The following CD5L variants were observed in gnomAD, a reference collection of about 807,000 sequenced individuals.
CD5L encodes the protein CD5 molecule like, also known as CD5 antigen-like.
Under a neutral mutation model 40.8 loss-of-function variants are expected in CD5L, and 39 were observed. That is an observed-to-expected ratio of 0.96 (90% CI 0.74 to 1.25). CD5L has a LOEUF of 1.25. Among genes scored for constraint, CD5L ranks in the 50% most tolerant of loss-of-function variants. The pLI is 0.00. For synonymous variants in CD5L, 192 were observed against 169.6 expected, an observed-to-expected ratio of 1.13 and a Z score of -1.03; for missense variants, 433 against 435.9, an observed-to-expected ratio of 0.99 and a Z score of 0.06.
At chr1:157,828,139 G>A (rs761433857), downstream of CD5L, among the ~76,000 whole-genome samples, 24 of 152,108 alleles carry the variant, frequency 1.6e-4, no homozygotes, top group Non-Finnish European at 2.9e-4. Context: ...GTGGTTCTGG[G>A]TTCTATGTGG....
chr1:157,840,782 G>A (rs1443859976), intron 1 of CD5L, among the ~76,000 whole-genome samples: 1 of 152,198 alleles, frequency 6.6e-6, no homozygotes. Flanking sequence ...CATGAAGCAG[G>A]TGGAAGTGCA....
Position 157,836,117 on chromosome 1 carries a change from G to T in CD5L, c.94C>A (p.Arg32Ser). ...TCCACCTCCACCCGCCCTTCACAGC[G>T]GTGGAGGCCCCCCACCAGCCGCACT... Reference protein sequence around the residue: ...SGVRLVGGLHRCEGRVEVEQK... With the variant: ...SGVRLVGGLHSCEGRVEVEQK... Residue 32 changes from arginine to serine, a missense_variant, in exon 3 of 6, where the codon CGC (arginine) becomes AGC (serine). Coordinates refer to ENST00000368174, the MANE Select transcript of CD5L (RefSeq NM_005894.3). The T allele has an allele frequency of 1.2e-6, 2 of 1,613,572 alleles. No homozygotes were observed. Among genetic ancestry groups the T allele is most frequent in the South Asian group, 2.2e-5 (2 of 91,052 alleles).
Position 157,833,828 on chromosome 1 carries a change from C to T in CD5L, c.719-316G>A, listed in dbSNP as rs562648732. 1.8e-4 allele frequency among the ~76,000 whole-genome samples: 26 copies of T among 143,184 alleles called. 1 individual carries two copies. In the South Asian group the frequency reaches 5.5e-3, roughly 30 times the overall value. 93.9% of individuals were successfully genotyped at this position (143,184 alleles called of 152,430 possible). A position where few individuals can be genotyped will look rare whatever the true frequency, so the allele number is the denominator to read the frequency against. On this transcript the variant is annotated intron_variant, in intron 4 of 5. Coordinates refer to ENST00000368174, the MANE Select transcript of CD5L (RefSeq NM_005894.3). ...TTTTCCATATGTTGCTCAGGCTAGT[C>T]TCAAACTCTTGGGCTCAAGTGCTCC... is the stretch of plus-strand genomic sequence containing the variant.
At chr1:157,832,568 C>A (rs1185678987) in intron 5 of CD5L, among the ~76,000 whole-genome samples, 2 of 152,172 alleles carry the variant, frequency 1.3e-5, no homozygotes, top group Non-Finnish European at 2.9e-5. Flanking sequence ...TTCCTTCAAT[C>A]CTCTGAAGAG....
chr1:157,841,590 T>C, intron 1 of CD5L, 84 bp downstream of exon 1: 1 of 1,185,694 alleles, frequency 8.4e-7, no homozygotes, highest in Non-Finnish European at 1.2e-6. Flanking sequence ...TCTAAATCTG[T>C]TCCAGGTTGG....
At chr1:157,836,867 G>A (rs187478257) in intron 2 of CD5L, among the ~76,000 whole-genome samples, 257 of 152,238 alleles carry the variant, frequency 1.7e-3, no homozygotes, top group African/African-American at 5.9e-3. Context: ...TAATTCCAGG[G>A]ACTAGAAGCA....
chr1:157,827,118 T>C (rs1290029809), downstream of CD5L, among the ~76,000 whole-genome samples: 2 of 152,158 alleles, frequency 1.3e-5, no homozygotes, highest in Non-Finnish European at 2.9e-5. Context: ...TTACCAGAAT[T>C]TTATATCTAA....
chr1:157,828,541 AG>A (rs1655962341), downstream of CD5L, among the ~76,000 whole-genome samples: 1 of 152,206 alleles, frequency 6.6e-6, no homozygotes, highest in Non-Finnish European at 1.5e-5. Context: ...GAGATTCGGT[AG>A]ATAAATACTT....
At chr1:157,841,301 CA>C (rs1306593339) in intron 1 of CD5L, among the ~76,000 whole-genome samples, 2 of 152,150 alleles carry the variant, frequency 1.3e-5, no homozygotes, top group Non-Finnish European at 2.9e-5. Flanking sequence ...ACAATATGAT[CA>C]ATGAAAGGTG....
chr1:157,830,663 T>C (rs1656023016), downstream of CD5L, among the ~76,000 whole-genome samples: 1 of 152,226 alleles, frequency 6.6e-6, no homozygotes, highest in African/African-American at 2.4e-5. Context: ...TAGAAAGGCA[T>C]GGCATTAGAG....
chr1:157,828,018 G>C (rs1655948340), downstream of CD5L, among the ~76,000 whole-genome samples: 1 of 152,186 alleles, frequency 6.6e-6, no homozygotes, highest in African/African-American at 2.4e-5. Context: ...TTTGGGTTCT[G>C]CCTCAACCAT....
intron 1 of CD5L, among the ~76,000 whole-genome samples, chr1:157,841,360 C>T (rs941707422): frequency 4.6e-5 from 7 of 152,088 alleles, no homozygotes; most frequent in Admixed American, 6.6e-5. Flanking sequence ...TGCTGCTGCC[C>T]GGTGCCCATT....
chr1:157,839,906 G>A (rs1338828977), intron 1 of CD5L, among the ~76,000 whole-genome samples: 1 of 152,108 alleles, frequency 6.6e-6, no homozygotes, highest in Non-Finnish European at 1.5e-5. Flanking sequence ...ACTGTAAGAG[G>A]CCAGACAGTA....
At chr1:157,839,294 A>G in intron 2 of CD5L, 90 bp downstream of exon 2, 6 of 1,292,480 alleles carry the variant, frequency 4.6e-6, no homozygotes, top group Non-Finnish European at 5.6e-6. Context: ...GCCTGTTTTG[A>G]ACAAGTCTTT....
chr1:157,832,985 T>C (rs1046135450), intron 5 of CD5L, among the ~76,000 whole-genome samples: 5 of 152,192 alleles, frequency 3.3e-5, no homozygotes, highest in African/African-American at 9.7e-5. Context: ...GTGTCAGCCC[T>C]ACCTCTACCC....
chr1:157,834,774 C>G, intron 3 of CD5L, 26 bp from the exon 4 acceptor site: 1 of 1,566,224 alleles, frequency 6.4e-7, no homozygotes, highest in Non-Finnish European at 8.8e-7. Flanking sequence ...GAGAGCGTGT[C>G]TGTTCTCTGC....
downstream of CD5L, among the ~76,000 whole-genome samples, chr1:157,827,263 GGTGTATGTGTGTGTGT>G (rs1265083622): frequency 4.3e-5 from 5 of 117,092 alleles, no homozygotes; most frequent in African/African-American, 1.3e-4. Flanking sequence ...CAGGACAAAT[GGTGTATGTGTGTGTGT>G]GTGTGTGTGT....
In CD5L at chr1:157,834,393, C is replaced by T. The variant is rs369657731; in HGVS notation, c.718+14G>A. The T allele has an allele frequency of 5.4e-5, 86 of 1,592,996 alleles. No individual in the cohort carries two copies. The highest frequency in any genetic ancestry group is 6.8e-5 in the Non-Finnish European group (79 of 1,164,964). ...TCCATGAATAAACCTAGTCTTTGGA[C>T]GCACAGGCATTACCTTCACATTCGA... On this transcript the variant is annotated intron_variant, in intron 4 of 5. Coordinates refer to ENST00000368174, the MANE Select transcript of CD5L (RefSeq NM_005894.3).
Position 157,832,101 on chromosome 1 carries a change from C to T in CD5L, c.1040-133G>A, listed in dbSNP as rs1571448077. 6 of 635,016 alleles carry T rather than the reference C, an allele frequency of 9.4e-6. No individual in the cohort carries two copies. In the East Asian group the frequency reaches 1.8e-4, roughly 19 times the overall value. The allele number at this position is 635,016 out of a possible 1,614,324, so 39.3% of individuals were successfully genotyped here. On this transcript the variant is annotated intron_variant, in intron 5 of 5. Transcript: ENST00000368174. Reference sequence around the variant, plus strand: ...AAAAGAGCTAAGCCATGTACAGATCCCACACTGATGTGAGCCAGGCCAGAA... The same window carrying T: ...AAAAGAGCTAAGCCATGTACAGATCTCACACTGATGTGAGCCAGGCCAGAA...
Sources: gnomAD v4.1 joint callset for allele counts (sites outside exome capture counted in the v4.1 genomes callset) on GRCh38, gnomAD v4.1.1 for gene constraint, MANE v1.5 for transcripts, NCBI Gene and HGNC (gene_info 2026-07-23, HGNC 2026-07-21) for gene names.